CNTNAP2: variants seen among roughly 807,000 people sequenced by gnomAD.
The protein encoded by CNTNAP2 is contactin associated protein 2, also known as contactin-associated protein-like 2.
A neutral mutation model predicts 155.2 loss-of-function variants in CNTNAP2; 98 were observed. That is an observed-to-expected ratio of 0.63 (90% CI 0.54 to 0.75). The LOEUF (loss-of-function observed/expected upper bound fraction) is 0.75. Ranked by LOEUF, CNTNAP2 falls within the 30% of genes least tolerant of loss-of-function variation. CNTNAP2 has a pLI of 0.00. For missense variants in CNTNAP2, 1,727 were observed against 1,688.1 expected (o/e 1.02, Z -0.40); for synonymous variants, 651 against 631.2 (o/e 1.03, Z -0.47).
At chr7:147,609,937 A>T (rs189672295) in intron 12 of CNTNAP2, among the ~76,000 whole-genome samples, 2 of 152,170 alleles carry the variant, frequency 1.3e-5, no homozygotes, top group East Asian at 3.9e-4. Flanking sequence ...GGATAGTCTG[A>T]GTGCAGGGTT....
chr7:147,932,948 G>T (rs1222250693), intron 14 of CNTNAP2, among the ~76,000 whole-genome samples: 2 of 152,130 alleles, frequency 1.3e-5, no homozygotes, highest in East Asian at 3.8e-4. Flanking sequence ...CTGGGCAATA[G>T]ATACATAAAA....
intron 8 of CNTNAP2, among the ~76,000 whole-genome samples, chr7:147,246,562 AG>A (rs1804075336): frequency 6.6e-6 from 1 of 152,126 alleles, no homozygotes; most frequent in African/African-American, 2.4e-5. Context: ...TGGGCCTCTA[AG>A]GGCATTAATT....
rs1800078012 is a variant in CNTNAP2, at chr7:148,419,963, T to TTA, written c.*4347_*4348insTA. ...TGACTGCAAAATACCTTGAAACCCTTATATAAAGACTGAAGTCAACGGAGC... is the reference window on the plus strand; with the variant it reads ...TGACTGCAAAATACCTTGAAACCCTTTAATATAAAGACTGAAGTCAACGGAGC... On this transcript the variant is annotated 3_prime_UTR_variant, in exon 24 of 24. Coordinates refer to ENST00000361727, the MANE Select transcript of CNTNAP2 (RefSeq NM_014141.6). The TTA allele has an allele frequency of 2.6e-5, 4 of 152,178 alleles. No individual in the cohort carries two copies. Among genetic ancestry groups the TTA allele is most frequent in the Non-Finnish European group, 4.4e-5 (3 of 68,038 alleles). The allele number at this position is 152,178 out of a possible 1,614,324, so 9.4% of individuals were successfully genotyped here. A position where few individuals can be genotyped will look rare whatever the true frequency, so the allele number is the denominator to read the frequency against.
intron 1 of CNTNAP2, among the ~76,000 whole-genome samples, chr7:146,573,380 A>C (rs994591807): frequency 6.6e-6 from 1 of 152,094 alleles, no homozygotes; most frequent in South Asian, 2.1e-4. Flanking sequence ...TGACCTCGTG[A>C]TCTGCCTGCC....
At chr7:146,774,732 T>C (rs555500457) in intron 2 of CNTNAP2, among the ~76,000 whole-genome samples, 2 of 152,276 alleles carry the variant, frequency 1.3e-5, no homozygotes, top group East Asian at 3.9e-4. Context: ...CCAAAATGCG[T>C]ACGGTGTATT....
intron 1 of CNTNAP2, among the ~76,000 whole-genome samples, chr7:146,515,681 G>C (rs1321535024): frequency 2.0e-5 from 3 of 151,974 alleles, no homozygotes; most frequent in Non-Finnish European, 4.4e-5. Flanking sequence ...TAGATTTATT[G>C]GATGCCCAAT....
chr7:147,789,621 T>C (rs1375392399), intron 13 of CNTNAP2, among the ~76,000 whole-genome samples: 3 of 152,186 alleles, frequency 2.0e-5, no homozygotes, highest in Non-Finnish European at 2.9e-5. Flanking sequence ...TCTGGGTGTT[T>C]CTAGAAGAGA....
At chr7:146,255,009 T>C (rs1799816197) in intron 1 of CNTNAP2, among the ~76,000 whole-genome samples, 2 of 151,434 alleles carry the variant, frequency 1.3e-5, no homozygotes, top group Admixed American at 1.3e-4. Context: ...GAATTTCTAG[T>C]AGAAAGTTGA....
intron 1 of CNTNAP2, among the ~76,000 whole-genome samples, chr7:146,468,388 C>T (rs1220635671): frequency 6.6e-6 from 1 of 151,288 alleles, no homozygotes; most frequent in African/African-American, 2.4e-5. Flanking sequence ...TCATGCAATA[C>T]ACCCAGGTAA....
At chr7:147,965,562 G>T (rs901207638) in intron 14 of CNTNAP2, among the ~76,000 whole-genome samples, 2 of 150,984 alleles carry the variant, frequency 1.3e-5, no homozygotes, top group East Asian at 3.9e-4. Context: ...TTAATTTTTT[G>T]ATAACGGACA....
intron 1 of CNTNAP2, among the ~76,000 whole-genome samples, chr7:146,277,931 A>G (rs1034955165): frequency 6.6e-5 from 10 of 152,164 alleles, no homozygotes; most frequent in African/African-American, 2.4e-4. Flanking sequence ...TTTTCAAAAA[A>G]GAAAATAAAA....
chr7:146,309,829 A>G (rs1458621243), intron 1 of CNTNAP2, among the ~76,000 whole-genome samples: 1 of 148,822 alleles, frequency 6.7e-6, no homozygotes, highest in African/African-American at 2.6e-5. Flanking sequence ...AGAAGAAAGG[A>G]AAGGAAGGAA....
chr7:148,384,023 G>T (rs562743457), intron 22 of CNTNAP2, 135 bp downstream of exon 22: 4 of 1,279,268 alleles, frequency 3.1e-6, no homozygotes, highest in Non-Finnish European at 4.4e-6. Flanking sequence ...AAGGAACGTT[G>T]TGAGTACGGA....
intron 9 of CNTNAP2, among the ~76,000 whole-genome samples, chr7:147,349,872 A>G (rs973560323): frequency 1.3e-5 from 2 of 151,906 alleles, no homozygotes; most frequent in African/African-American, 4.8e-5. Context: ...GTCAAGAGAG[A>G]CACTCTTTTG....
chr7:146,244,285 G>T (rs28823080), intron 1 of CNTNAP2, among the ~76,000 whole-genome samples: 24,839 of 152,108 alleles, frequency 0.16, 2,470 homozygotes, highest in African/African-American at 0.27. Flanking sequence ...TGATGACTTG[G>T]AGAAACAGTG....
At chr7:146,929,986 GA>G (rs1420680708) in intron 3 of CNTNAP2, among the ~76,000 whole-genome samples, 1 of 152,156 alleles carries the variant, frequency 6.6e-6, no homozygotes, top group Non-Finnish European at 1.5e-5. Flanking sequence ...CAGTGATGGG[GA>G]GAATGGAACC....
At chr7:147,033,164 A>G (rs1452912178) in intron 3 of CNTNAP2, among the ~76,000 whole-genome samples, 137 of 20,132 alleles carry the variant, frequency 6.8e-3, no homozygotes, top group African/African-American at 0.026. Flanking sequence ...ATATATGTAT[A>G]TATATATATA....
chr7:147,466,856 T>C (rs975681978), intron 10 of CNTNAP2, among the ~76,000 whole-genome samples: 5 of 152,090 alleles, frequency 3.3e-5, no homozygotes, highest in African/African-American at 1.2e-4. Flanking sequence ...GAGGCAGAGG[T>C]TGCAGTGAGC....
At chr7:147,936,604 C>T (rs1425014483) in intron 14 of CNTNAP2, among the ~76,000 whole-genome samples, 1 of 152,138 alleles carries the variant, frequency 6.6e-6, no homozygotes, top group Non-Finnish European at 1.5e-5. Context: ...ATTTATCCCT[C>T]CCCTCCCTCA....
Sources: allele counts gnomAD v4.1 joint callset (sites outside exome capture counted in the v4.1 genomes callset), GRCh38; gene constraint gnomAD v4.1.1; transcripts MANE v1.5; gene names NCBI Gene and HGNC (gene_info 2026-07-23, HGNC 2026-07-21).